NALCN: variants seen among roughly 807,000 people sequenced by gnomAD.
NALCN encodes sodium leak channel NALCN.
A neutral mutation model predicts 225.3 loss-of-function variants in NALCN; 111 were observed. That is an observed-to-expected ratio of 0.49 (90% CI 0.42 to 0.58). The LOEUF (loss-of-function observed/expected upper bound fraction) is 0.58, where lower values mean the gene tolerates loss of function less well. Ranked by LOEUF, NALCN falls within the 20% of genes least tolerant of loss-of-function variation. The pLI, the probability that NALCN is intolerant of heterozygous loss-of-function variation, is 0.00. For synonymous variants in NALCN, 764 were observed against 769.0 expected (o/e 0.99, Z 0.11); for missense variants, 1,378 against 2,202.4 (o/e 0.63, Z 7.49).
intron 7 of NALCN, among the ~76,000 whole-genome samples, chr13:101,325,503 T>A (rs971078024): frequency 1.3e-5 from 2 of 152,216 alleles, no homozygotes; most frequent in Non-Finnish European, 2.9e-5. Flanking sequence ...GATTTTGTAC[T>A]GTCTGCCATC....
chr13:101,221,061 C>G (rs936105860), intron 13 of NALCN, among the ~76,000 whole-genome samples: 1 of 152,130 alleles, frequency 6.6e-6, no homozygotes, highest in Non-Finnish European at 1.5e-5. Flanking sequence ...AGTACAGACT[C>G]TTAAATGCAT....
intron 7 of NALCN, among the ~76,000 whole-genome samples, chr13:101,321,693 C>T (rs1366053775): frequency 6.6e-6 from 1 of 151,994 alleles, no homozygotes; most frequent in Non-Finnish European, 1.5e-5. Flanking sequence ...GTGATAGTCA[C>T]CACTAAATTA....
chr13:101,381,599 C>T (rs2046849995), intron 3 of NALCN, among the ~76,000 whole-genome samples: 2 of 152,020 alleles, frequency 1.3e-5, no homozygotes, highest in African/African-American at 4.8e-5. Flanking sequence ...TTCCTTCCTC[C>T]CTCTCTCCCT....
chr13:101,297,958 G>A (rs1233497701), intron 7 of NALCN, among the ~76,000 whole-genome samples: 2 of 152,086 alleles, frequency 1.3e-5, no homozygotes, highest in Non-Finnish European at 2.9e-5. Context: ...ACTTTGTCCT[G>A]GTTAAATCTC....
intron 7 of NALCN, among the ~76,000 whole-genome samples, chr13:101,325,602 G>C (rs2044921301): frequency 6.6e-6 from 1 of 152,142 alleles, no homozygotes; most frequent in South Asian, 2.1e-4. Flanking sequence ...TTCCTCAGCA[G>C]CTGCTTCTTT....
chr13:101,378,120 T>G (rs1343608085), intron 4 of NALCN, among the ~76,000 whole-genome samples: 2 of 152,064 alleles, frequency 1.3e-5, no homozygotes, highest in Non-Finnish European at 2.9e-5. Context: ...TTCCTTCATT[T>G]CAGGGAATAT....
chr13:101,060,275 GTTTTTTTT>G (rs771531599), intron 41 of NALCN, among the ~76,000 whole-genome samples: 1 of 79,854 alleles, frequency 1.3e-5, no homozygotes, highest in Non-Finnish European at 2.3e-5. Flanking sequence ...GGTGTTTTCT[GTTTTTTTT>G]TTTTTTTTTT....
chr13:101,294,145 T>A (rs184840427), intron 7 of NALCN, among the ~76,000 whole-genome samples: 286 of 151,910 alleles, frequency 1.9e-3, no homozygotes, highest in African/African-American at 6.5e-3. Context: ...TCAAAAAAAA[T>A]TTTTTTTTAC....
chr13:101,315,889 GT>G (rs5806207), intron 7 of NALCN, among the ~76,000 whole-genome samples: 150,096 of 151,922 alleles, frequency 0.99, 74,170 homozygotes, highest in East Asian at 1. Flanking sequence ...TACCAAGCCT[GT>G]TTTTTTTGTT....
At chr13:101,349,243 A>G (rs2045836332) in intron 6 of NALCN, among the ~76,000 whole-genome samples, 1 of 152,140 alleles carries the variant, frequency 6.6e-6, no homozygotes, top group Admixed American at 6.6e-5. Context: ...ACTCCAAGAC[A>G]ATGAAATTAC....
At chr13:101,279,836 A>AAATAAAT (rs547147370) in intron 10 of NALCN, among the ~76,000 whole-genome samples, 3,379 of 133,834 alleles carry the variant, frequency 0.025, 64 homozygotes, top group African/African-American at 0.052. Flanking sequence ...ATAAATAAAT[A>AAATAAAT]AAATAAATAA....
At chr13:101,208,759 G>T (rs1287556682) in intron 13 of NALCN, among the ~76,000 whole-genome samples, 1 of 152,140 alleles carries the variant, frequency 6.6e-6, no homozygotes, top group Non-Finnish European at 1.5e-5. Context: ...TGAAAGAGTT[G>T]GCGCCTCCTC....
intron 7 of NALCN, among the ~76,000 whole-genome samples, chr13:101,305,524 C>T (rs191962360): frequency 6.6e-6 from 1 of 152,212 alleles, no homozygotes; most frequent in Admixed American, 6.5e-5. Flanking sequence ...ATGTTTTGAC[C>T]TAGAATTCAC....
At chr13:101,139,104 G>T (rs1458793343) in intron 17 of NALCN, among the ~76,000 whole-genome samples, 1 of 152,038 alleles carries the variant, frequency 6.6e-6, no homozygotes, top group Non-Finnish European at 1.5e-5. Flanking sequence ...AAAGATTTTT[G>T]TTTGCTGGTT....
intron 15 of NALCN, among the ~76,000 whole-genome samples, chr13:101,166,957 T>C (rs913400210): frequency 6.6e-6 from 1 of 152,198 alleles, no homozygotes; most frequent in Admixed American, 6.5e-5. Context: ...TTCAACATCA[T>C]TTGTTGAAGA....
At position 101,300,023 on chromosome 13, in the gene NALCN, A is replaced by C. The variant is rs868120062; in HGVS notation, c.800-7657T>G. On this transcript the variant is annotated intron_variant, in intron 7 of 43. Coordinates refer to ENST00000251127, the MANE Select transcript of NALCN (RefSeq NM_052867.4). ...AAATGTATTTAGTGTGACATAATTA[A>C]AAAAAAAAAGCAGCAGCGAGGGGTG... Among the ~76,000 whole-genome samples, 9 of 133,298 alleles carry C rather than the reference A, an allele frequency of 6.8e-5. No individual in the cohort carries two copies. The East Asian group carries it at 1.8e-3, about 26-fold the overall frequency. The allele number at this position is 133,298 out of a possible 152,430, so 87.4% of individuals were successfully genotyped here.
chr13:101,372,187 G>A (rs2046559409), intron 6 of NALCN, among the ~76,000 whole-genome samples: 1 of 152,000 alleles, frequency 6.6e-6, no homozygotes, highest in Admixed American at 6.6e-5. Flanking sequence ...AATTAAAGTT[G>A]AAAATTATAG....
intron 6 of NALCN, among the ~76,000 whole-genome samples, chr13:101,359,033 G>A (rs2046146715): frequency 6.6e-6 from 1 of 152,052 alleles, no homozygotes; most frequent in South Asian, 2.1e-4. Context: ...GTCGCGGGGT[G>A]AGGGGCAGGG....
intron 15 of NALCN, among the ~76,000 whole-genome samples, chr13:101,150,420 C>T (rs1404787281): frequency 6.6e-6 from 1 of 152,150 alleles, no homozygotes; most frequent in African/African-American, 2.4e-5. Flanking sequence ...TGCAGTTAAG[C>T]AAAATTATTC....
Sources: allele counts gnomAD v4.1 joint callset (sites outside exome capture counted in the v4.1 genomes callset), GRCh38; gene constraint gnomAD v4.1.1; transcripts MANE v1.5; gene names NCBI Gene and HGNC (gene_info 2026-07-23, HGNC 2026-07-21).